Variants in INTS4 observed in about 807,000 individuals in gnomAD.
INTS4 encodes the protein integrator complex subunit 4.
INTS4 carries 70 observed loss-of-function variants against 119.5 expected under a neutral mutation model. That is an observed-to-expected ratio of 0.59 (90% CI 0.48 to 0.71). The LOEUF is 0.71. Among genes scored for constraint, INTS4 ranks in the 30% least tolerant of loss-of-function variants. The pLI, the probability that INTS4 is intolerant of heterozygous loss-of-function variation, is 0.00. For missense variants in INTS4, 867 were observed against 1,173.2 expected (o/e 0.74, Z 3.81); for synonymous variants, 316 against 419.6 (o/e 0.75, Z 3.02).
Position 77,958,816 on chromosome 11 carries a change from C to G in INTS4, c.727G>C (p.Asp243His). 6.2e-7 allele frequency: 1 copy of G among 1,607,780 alleles called. No homozygotes were observed. Among genetic ancestry groups the G allele is most frequent in the Non-Finnish European group, 8.5e-7 (1 of 1,176,312 alleles). Residue 243 changes from aspartate (D) to histidine (H), a missense_variant, in exon 7 of 23, where the codon GAT becomes CAT. By Grantham distance (81) the Asp-to-His change is moderately conservative (BLOSUM62 -1). Around this residue, in one of 5 missense-constraint regions of INTS4, gnomAD observed 208 missense variants for 306.6 expected, o/e 0.68. Coordinates refer to ENST00000534064, the MANE Select transcript of INTS4 (RefSeq NM_033547.4). ...IYNQACKLLS[D>H]DYEQVRSAAV... The stretch of plus-strand genomic sequence containing the variant: ...GCACTGCGCACTTGTTCATAGTCAT[C>G]AGAGAGTAATTTACAGGCCTGCAAA...
intron 4 of INTS4, among the ~76,000 whole-genome samples, chr11:77,975,071 TTTCTA>T (rs1345389860): frequency 3.3e-5 from 5 of 152,306 alleles, no homozygotes; most frequent in African/African-American, 1.2e-4. Context: ...ATCTGTTGTT[TTTCTA>T]TTCTGTTTAA....
chr11:77,963,669 T>G (rs1008683579), intron 4 of INTS4, among the ~76,000 whole-genome samples: 38 of 152,164 alleles, frequency 2.5e-4, no homozygotes, highest in African/African-American at 8.9e-4. Context: ...TACTGATCCA[T>G]TCAGCATCGA....
Position 77,891,864 on chromosome 11 carries a change from T to C in INTS4, c.2289-24A>G, listed in dbSNP as rs757213437. The C allele has an allele frequency of 3.1e-6, 5 of 1,610,460 alleles. No individual in the cohort carries two copies. The South Asian group carries it at 5.5e-5, about 18-fold the overall frequency. On this transcript the variant is annotated intron_variant, in intron 19 of 22. Coordinates refer to ENST00000534064, the MANE Select transcript of INTS4 (RefSeq NM_033547.4). ...ACCTGGAGGAACAAACAGAAGCAAC[T>C]GACTCATTCAACTGTGCACTCATTC...
rs546492616 is a variant in INTS4 at position 77,910,473 on chromosome 11, A to G, written c.1923-2663T>C. On this transcript the variant is annotated intron_variant, in intron 15 of 22. Transcript: ENST00000534064. The stretch of plus-strand genomic sequence containing the variant: ...TGGGGGAGGGGGGAGGGATAGCATT[A>G]GGAGATATACCTAATGCTAAATGGT... Among the ~76,000 whole-genome samples, 5 of 151,072 alleles carry G rather than the reference A, an allele frequency of 3.3e-5. No individual in the cohort carries two copies. In the South Asian group the frequency reaches 1.1e-3, roughly 32 times the overall value.
intron 10 of INTS4, among the ~76,000 whole-genome samples, chr11:77,936,712 A>G (rs2136515766): frequency 6.6e-6 from 1 of 152,354 alleles, no homozygotes; most frequent in East Asian, 1.9e-4. Flanking sequence ...AAGACAAAGC[A>G]ATAGATACTA....
downstream of INTS4, among the ~76,000 whole-genome samples, chr11:77,878,148 G>A (rs1261175668): frequency 6.6e-6 from 1 of 152,066 alleles, no homozygotes; most frequent in Non-Finnish European, 1.5e-5. Flanking sequence ...AGATCACGAG[G>A]TCAGGAGATC....
chr11:77,958,986 A>T (rs1954398589), intron 6 of INTS4, 152 bp from the exon 7 acceptor site: 2 of 634,504 alleles, frequency 3.2e-6, no homozygotes, highest in Admixed American at 4.9e-5. Flanking sequence ...CTTAAAAATG[A>T]ATCTTGACCT....
At chr11:77,952,607 G>T (rs1019661443) in intron 8 of INTS4, among the ~76,000 whole-genome samples, 1 of 152,068 alleles carries the variant, frequency 6.6e-6, no homozygotes, top group Non-Finnish European at 1.5e-5. Flanking sequence ...AGATAAGAAT[G>T]ATTATTTTTT....
intron 15 of INTS4, among the ~76,000 whole-genome samples, chr11:77,916,890 A>C (rs1433778030): frequency 5.3e-5 from 8 of 152,222 alleles, no homozygotes; most frequent in Non-Finnish European, 1.2e-4. Flanking sequence ...CTTAAGAACA[A>C]ATGTCATTTC....
intron 22 of INTS4, among the ~76,000 whole-genome samples, chr11:77,880,907 G>A (rs974320087): frequency 5.3e-5 from 8 of 152,118 alleles, no homozygotes; most frequent in Non-Finnish European, 7.4e-5. Context: ...CTGGGCAACA[G>A]AAGGAAACCC....
chr11:77,956,497 A>C (rs1398718409), intron 7 of INTS4, among the ~76,000 whole-genome samples: 3 of 152,126 alleles, frequency 2.0e-5, no homozygotes, highest in Non-Finnish European at 4.4e-5. Context: ...ACTTGAGGTC[A>C]AGAGTTCGAG....
At chr11:77,884,080 T>A in intron 21 of INTS4, 128 bp from the exon 22 acceptor site, 1 of 918,866 alleles carries the variant, frequency 1.1e-6, no homozygotes, top group Non-Finnish European at 1.6e-6. Flanking sequence ...AGATTGAGCC[T>A]TGGGGGTAGG....
At chr11:77,916,918 C>G (rs1683617754) in intron 15 of INTS4, among the ~76,000 whole-genome samples, 1 of 152,202 alleles carries the variant, frequency 6.6e-6, no homozygotes, top group African/African-American at 2.4e-5. Flanking sequence ...TCTCTACCCT[C>G]AGCAACTGGC....
At chr11:77,884,705 C>A in intron 21 of INTS4, 1 of 260,400 alleles carries the variant, frequency 3.8e-6, no homozygotes, top group South Asian at 3.7e-5. Context: ...CCCTATAATC[C>A]TTCATCTCTC....
intron 4 of INTS4, among the ~76,000 whole-genome samples, chr11:77,961,793 A>T (rs1354469252): frequency 6.6e-6 from 1 of 152,234 alleles, no homozygotes; most frequent in African/African-American, 2.4e-5. Flanking sequence ...GCAGATAGCA[A>T]TGGTTCATTT....
At chr11:77,895,268 T>C (rs1015324491) in intron 18 of INTS4, among the ~76,000 whole-genome samples, 2 of 152,132 alleles carry the variant, frequency 1.3e-5, no homozygotes, top group Non-Finnish European at 2.9e-5. Context: ...TAATATATTA[T>C]TCATTGGAGG....
intron 21 of INTS4, among the ~76,000 whole-genome samples, chr11:77,885,134 G>T (rs558334576): frequency 6.6e-6 from 1 of 151,968 alleles, no homozygotes; most frequent in Non-Finnish European, 1.5e-5. Flanking sequence ...CTGAACTGCA[G>T]TGGCATGATC....
intron 21 of INTS4, among the ~76,000 whole-genome samples, chr11:77,888,244 G>C (rs1341137573): frequency 2.6e-5 from 4 of 152,162 alleles, no homozygotes; most frequent in Admixed American, 6.5e-5. Context: ...CAATGGAACA[G>C]AACAGAGCCC....
At position 77,901,555 on chromosome 11, in the gene INTS4, T is replaced by G. The variant is rs114600355; in HGVS notation, c.2098-4A>C. 2,900 of 1,593,884 alleles carry G rather than the reference T, an allele frequency of 1.8e-3. 44 individuals are homozygous for G. The African/African-American group carries it at 0.03, about 16-fold the overall frequency. On this transcript the variant is annotated splice_polypyrimidine_tract_variant and splice_region_variant and intron_variant, in intron 17 of 22. Coordinates refer to ENST00000534064, the MANE Select transcript of INTS4 (RefSeq NM_033547.4). ...TTTTGTAGGTCTCTTCCATAATCTATAAAGGAAAGATAATTAACAATCAAT... is the reference window on the plus strand; with the variant it reads ...TTTTGTAGGTCTCTTCCATAATCTAGAAAGGAAAGATAATTAACAATCAAT...
Sources: gnomAD v4.1 joint callset for allele counts (sites outside exome capture counted in the v4.1 genomes callset) on GRCh38, gnomAD v4.1.1 for gene constraint, gnomAD v4.1.1 regional missense constraint, MANE v1.5 for transcripts, NCBI Gene and HGNC (gene_info 2026-07-23, HGNC 2026-07-21) for gene names.